Variants in BFSP1 observed in about 807,000 individuals in gnomAD.
BFSP1 encodes filensin.
Under a neutral mutation model 43.9 loss-of-function variants are expected in BFSP1, and 38 were observed. That is an observed-to-expected ratio of 0.87 (90% CI 0.67 to 1.14). BFSP1 has a LOEUF of 1.14. BFSP1 is among the 50% of genes most tolerant of loss of function. The pLI, the probability that BFSP1 is intolerant of heterozygous loss-of-function variation, is 0.00. For synonymous variants in BFSP1, 352 were observed against 354.8 expected (o/e 0.99, Z 0.09); for missense variants, 850 against 875.1 (o/e 0.97, Z 0.36).
At chr20:17,559,271 C>T (rs1184989236), upstream of BFSP1, among the ~76,000 whole-genome samples, 1 of 151,930 alleles carries the variant, frequency 6.6e-6, no homozygotes, top group Non-Finnish European at 1.5e-5. Flanking sequence ...AACAAGTCCT[C>T]TAGAGCCCTG....
intron 1 of BFSP1, among the ~76,000 whole-genome samples, chr20:17,567,135 G>A (rs1409458762): frequency 6.6e-6 from 1 of 152,192 alleles, no homozygotes; most frequent in Non-Finnish European, 1.5e-5. Flanking sequence ...CGTGTGGAGA[G>A]GAGGAATGTC....
chr20:17,527,193 A>G (rs932459179), intron 1 of BFSP1, among the ~76,000 whole-genome samples: 2 of 152,264 alleles, frequency 1.3e-5, no homozygotes, highest in Non-Finnish European at 2.9e-5. Context: ...TACATTTCAC[A>G]TCAGGATGTT....
intron 2 of BFSP1, among the ~76,000 whole-genome samples, chr20:17,522,353 C>T (rs190504876): frequency 2.6e-5 from 4 of 152,278 alleles, no homozygotes; most frequent in Non-Finnish European, 4.4e-5. Context: ...ACCTGCCCCC[C>T]CAATAACCAC....
chr20:17,526,571 G>A (rs867018346), intron 1 of BFSP1, among the ~76,000 whole-genome samples: 1 of 152,196 alleles, frequency 6.6e-6, no homozygotes, highest in African/African-American at 2.4e-5. Context: ...TCCTTTGTCA[G>A]TGGACACTTG....
intron 2 of BFSP1, among the ~76,000 whole-genome samples, chr20:17,522,254 C>A (rs920518372): frequency 6.6e-6 from 1 of 152,178 alleles, no homozygotes; most frequent in Non-Finnish European, 1.5e-5. Flanking sequence ...GGCTGAGCTG[C>A]GAGGCTCTGA....
intron 1 of BFSP1, among the ~76,000 whole-genome samples, chr20:17,527,970 T>A (rs1315534502): frequency 6.6e-6 from 1 of 152,212 alleles, no homozygotes; most frequent in Admixed American, 6.5e-5. Context: ...TTTGACCTGT[T>A]AAAGACCTGA....
At chr20:17,526,196 T>A in intron 1 of BFSP1, among the ~76,000 whole-genome samples, 1 of 125,906 alleles carries the variant, frequency 7.9e-6, no homozygotes, top group Admixed American at 9.8e-5. Flanking sequence ...TTTACCAACT[T>A]AACCATTTTA....
rs1211253754 is a variant in BFSP1 at position 17,494,494 on chromosome 20, C to A, written c.1578G>T (p.Val526=). Residue 526 remains valine, a synonymous_variant, in exon 8 of 8, where the codon GTG becomes GTT. Transcript: ENST00000377873. ...SPKPPLENGQ[V]GLQEKEDGQP... ...GTCCATCTTCTTTCTCCTGCAGACCCACCTGCCCATTCTCTAAAGGGGGCT... is the reference window on the plus strand; with the variant it reads ...GTCCATCTTCTTTCTCCTGCAGACCAACCTGCCCATTCTCTAAAGGGGGCT... 1 of 1,614,114 alleles carries A rather than the reference C, an allele frequency of 6.2e-7. No individual in the cohort carries two copies. Among genetic ancestry groups the A allele is most frequent in the African/African-American group, 1.3e-5 (1 of 74,934 alleles).
At chr20:17,524,707 C>T in intron 2 of BFSP1, 141 bp downstream of exon 2, 1 of 839,316 alleles carries the variant, frequency 1.2e-6, no homozygotes, top group Non-Finnish European at 2.0e-6. Context: ...TTGAAATTAA[C>T]AAGTCAAGAG....
Position 17,496,999 on chromosome 20 carries a change from A to G in BFSP1, c.981T>C (p.Thr327=), listed in dbSNP as rs1486218547. Residue 327 remains threonine, a synonymous_variant, in exon 7 of 8, where the codon ACT becomes ACC. Transcript: ENST00000377873. Reference sequence around the variant, plus strand: ...GGCTCTGGGTGAACAGGGGAATGGGAGTTTCAATGAAGGCAGAGGTCAGCC... The same window carrying G: ...GGCTCTGGGTGAACAGGGGAATGGGGGTTTCAATGAAGGCAGAGGTCAGCC... ...GNRLTSAFIE[T]PIPLFTQSHG... is the part of the protein sequence containing the mutation. 4.5e-6 allele frequency: 7 copies of G among 1,541,708 alleles called. No homozygotes were observed. The highest frequency in any genetic ancestry group is 2.1e-5 in the Admixed American group (1 of 48,412).
Position 17,494,004 on chromosome 20 carries a change from G to T in BFSP1, c.*70C>A. On this transcript the variant is annotated 3_prime_UTR_variant, in exon 8 of 8. Coordinates refer to ENST00000377873, the MANE Select transcript of BFSP1 (RefSeq NM_001195.5). Reference sequence around the variant, plus strand: ...AGGAACCCTCACCCTTTTATCATTTGCTCTAAAATATCAAAGCATTACCCC... The same window carrying T: ...AGGAACCCTCACCCTTTTATCATTTTCTCTAAAATATCAAAGCATTACCCC... The T allele has an allele frequency of 7.3e-7, 1 of 1,363,804 alleles. No individual in the cohort carries two copies. The highest frequency in any genetic ancestry group is 1.0e-6 in the Non-Finnish European group (1 of 991,744). 84.5% of individuals were successfully genotyped at this position (1,363,804 alleles called of 1,614,324 possible). A position where few individuals can be genotyped will look rare whatever the true frequency, so the allele number is the denominator to read the frequency against.
upstream of BFSP1, among the ~76,000 whole-genome samples, chr20:17,536,257 A>T (rs1018268095): frequency 2.0e-5 from 3 of 152,352 alleles, no homozygotes; most frequent in Middle Eastern, 3.4e-3. Context: ...TATTCCATTT[A>T]AAGTTGTTTA....
chr20:17,540,743 G>T (rs1253574821), intron 1 of BFSP1, among the ~76,000 whole-genome samples: 1 of 152,062 alleles, frequency 6.6e-6, no homozygotes, highest in Non-Finnish European at 1.5e-5. Context: ...CTTCCTGTAG[G>T]GTTTGGCAAA....
intron 5 of BFSP1, among the ~76,000 whole-genome samples, chr20:17,503,962 T>C (rs944413916): frequency 2.0e-5 from 3 of 152,212 alleles, no homozygotes; most frequent in African/African-American, 4.8e-5. Context: ...CCTGTGATCT[T>C]TCTACCCTAC....
chr20:17,520,889 G>A (rs867237865), intron 2 of BFSP1, among the ~76,000 whole-genome samples: 3 of 152,154 alleles, frequency 2.0e-5, no homozygotes, highest in Admixed American at 6.5e-5. Context: ...CCACAGGCAC[G>A]TTTAAGAGAC....
chr20:17,505,207 G>A (rs749552804), intron 5 of BFSP1, among the ~76,000 whole-genome samples: 4 of 152,188 alleles, frequency 2.6e-5, no homozygotes, highest in African/African-American at 9.7e-5. Context: ...TGAAGGAGAG[G>A]CTTCCAGCTT....
At chr20:17,536,489 A>G (rs1315251712) in intron 1 of BFSP1, among the ~76,000 whole-genome samples, 1 of 152,192 alleles carries the variant, frequency 6.6e-6, no homozygotes, top group African/African-American at 2.4e-5. Context: ...CTGAGATTGC[A>G]CCACTGCACT....
At chr20:17,497,093 A>G in intron 6 of BFSP1, 70 bp from the exon 7 acceptor site, 3 of 1,270,672 alleles carry the variant, frequency 2.4e-6, no homozygotes, top group South Asian at 1.5e-5. Flanking sequence ...GTTAATGTTG[A>G]GCAAAAATGA....
At chr20:17,563,659 G>A (rs1402662542), upstream of BFSP1, among the ~76,000 whole-genome samples, 2 of 151,888 alleles carry the variant, frequency 1.3e-5, no homozygotes, top group African/African-American at 2.4e-5. Context: ...CAGTTTCTGG[G>A]ATCTTTCTAT....
Sources: gnomAD v4.1 joint callset for allele counts (sites outside exome capture counted in the v4.1 genomes callset) on GRCh38, gnomAD v4.1.1 for gene constraint, MANE v1.5 for transcripts, NCBI Gene and HGNC (gene_info 2026-07-23, HGNC 2026-07-21) for gene names.